Variants in DLG2 observed in about 807,000 individuals in gnomAD.
The protein encoded by DLG2 is disks large homolog 2.
In DLG2, 45 loss-of-function variants were observed where a neutral mutation model predicts 132.5. The observed-to-expected ratio is 0.34, with a 90% CI of 0.27 to 0.44. DLG2 has a LOEUF of 0.44. DLG2 is among the 20% of genes least tolerant of loss of function. DLG2 has a pLI of 1.00. For synonymous variants in DLG2, 424 were observed against 419.6 expected, an observed-to-expected ratio of 1.01 and a Z score of -0.13; for missense variants, 1,045 against 1,196.9, an observed-to-expected ratio of 0.87 and a Z score of 1.87.
At chr11:84,813,201 C>T (rs1032266059) in intron 6 of DLG2, among the ~76,000 whole-genome samples, 4 of 152,058 alleles carry the variant, frequency 2.6e-5, no homozygotes, top group Non-Finnish European at 4.4e-5. Flanking sequence ...CATACACACA[C>T]ACACAAATGT....
At chr11:85,467,943 AC>A (rs1176776669) in intron 3 of DLG2, among the ~76,000 whole-genome samples, 1 of 152,046 alleles carries the variant, frequency 6.6e-6, no homozygotes, top group Non-Finnish European at 1.5e-5. Context: ...CTGGTCCTGG[AC>A]TTTTTTTGGT....
chr11:84,792,091 T>C (rs1353586794), intron 6 of DLG2, among the ~76,000 whole-genome samples: 2 of 152,212 alleles, frequency 1.3e-5, no homozygotes, highest in Admixed American at 6.5e-5. Context: ...ACTTTTATTA[T>C]GTTGTAGTAT....
intron 7 of DLG2, among the ~76,000 whole-genome samples, chr11:84,263,231 A>G (rs905465240): frequency 1.3e-5 from 2 of 152,204 alleles, no homozygotes; most frequent in Non-Finnish European, 2.9e-5. Context: ...TACTGTAAAG[A>G]AAGCAAGGAT....
intron 10 of DLG2, among the ~76,000 whole-genome samples, chr11:84,060,042 G>GT (rs2096566088): frequency 6.6e-6 from 1 of 152,148 alleles, no homozygotes; most frequent in African/African-American, 2.4e-5. Context: ...GTTGGGCGCA[G>GT]TGGCTCATGC....
At chr11:84,329,042 A>G (rs971748544) in intron 7 of DLG2, among the ~76,000 whole-genome samples, 1 of 152,204 alleles carries the variant, frequency 6.6e-6, no homozygotes, top group Admixed American at 6.5e-5. Flanking sequence ...TCAGTGATTA[A>G]ATTGAGATGT....
intron 6 of DLG2, among the ~76,000 whole-genome samples, chr11:84,992,545 C>T (rs1444359547): frequency 6.6e-6 from 1 of 152,174 alleles, no homozygotes; most frequent in Non-Finnish European, 1.5e-5. Context: ...AGTGGCACTT[C>T]ATCAGCATCT....
chr11:83,484,087 C>T, intron 22 of DLG2, 42 bp downstream of exon 22: 1 of 1,549,250 alleles, frequency 6.5e-7, no homozygotes, highest in Non-Finnish European at 8.9e-7. Flanking sequence ...AATTTTTTTT[C>T]TCTTATGTTG....
chr11:83,477,107 T>G (rs1430846651), intron 22 of DLG2, among the ~76,000 whole-genome samples: 2 of 152,090 alleles, frequency 1.3e-5, no homozygotes, highest in African/African-American at 4.8e-5. Context: ...GGAAGGATAA[T>G]TATCAGCTTG....
At chr11:83,531,210 A>G (rs903132069) in intron 21 of DLG2, among the ~76,000 whole-genome samples, 3 of 152,096 alleles carry the variant, frequency 2.0e-5, no homozygotes, top group African/African-American at 7.2e-5. Flanking sequence ...CACTATCAAG[A>G]AAATGAAGAC....
At chr11:85,230,798 G>A (rs1174649818) in intron 4 of DLG2, among the ~76,000 whole-genome samples, 2 of 151,808 alleles carry the variant, frequency 1.3e-5, no homozygotes, top group African/African-American at 4.8e-5. Flanking sequence ...GAGGCCTTTA[G>A]GTCATGAAGG....
intron 8 of DLG2, among the ~76,000 whole-genome samples, chr11:84,220,376 A>T (rs1261420238): frequency 6.6e-6 from 1 of 152,176 alleles, no homozygotes; most frequent in Non-Finnish European, 1.5e-5. Context: ...GAAGCTAGAG[A>T]TTTACTATTT....
intron 18 of DLG2, among the ~76,000 whole-genome samples, chr11:83,667,975 C>CAAAAAAAA (rs10688898): frequency 5.1e-5 from 2 of 39,592 alleles, no homozygotes; most frequent in Admixed American, 4.3e-4. Context: ...GACTCCGTCT[C>CAAAAAAAA]AAAAAAAAAA....
rs1194921873 is a variant in DLG2, at chr11:83,541,873, A to G, written c.1941-15T>C. On this transcript the variant is annotated splice_polypyrimidine_tract_variant and intron_variant, in intron 19 of 27. Transcript: ENST00000376104. The stretch of plus-strand genomic sequence containing the variant: ...CGAACATGGCTCTGGAGGAAAGGAC[A>G]AAAGAGGACATTGTTAGGAATCTCT... 7.0e-6 allele frequency: 11 copies of G among 1,581,882 alleles called. No individual in the cohort carries two copies. The East Asian group carries it at 1.6e-4, about 23-fold the overall frequency.
chr11:83,567,643 C>T (rs1203788527), intron 19 of DLG2, among the ~76,000 whole-genome samples: 2 of 152,116 alleles, frequency 1.3e-5, no homozygotes, highest in African/African-American at 4.8e-5. Flanking sequence ...TAGATTGCAA[C>T]AGAGGACTTA....
intron 19 of DLG2, among the ~76,000 whole-genome samples, chr11:83,590,887 C>A (rs2097176536): frequency 1.3e-5 from 2 of 151,398 alleles, no homozygotes; most frequent in South Asian, 4.2e-4. Flanking sequence ...ACTAGAAAAT[C>A]TAGAAGAAAT....
chr11:84,178,359 G>A (rs2096026026), intron 8 of DLG2, among the ~76,000 whole-genome samples: 1 of 152,110 alleles, frequency 6.6e-6, no homozygotes, highest in African/African-American at 2.4e-5. Flanking sequence ...TACTTAGAGA[G>A]TTATGTCAGG....
intron 18 of DLG2, among the ~76,000 whole-genome samples, chr11:83,768,916 A>C (rs2153785638): frequency 6.6e-6 from 1 of 152,360 alleles, no homozygotes; most frequent in African/African-American, 2.4e-5. Flanking sequence ...GGCCATTATC[A>C]GAATTTTGCC....
chr11:85,212,391 A>G lies in DLG2; in HGVS notation c.187-57740T>C, dbSNP rs1168012747. 6.6e-5 allele frequency among the ~76,000 whole-genome samples: 10 copies of G among 152,126 alleles called. No individual in the cohort carries two copies. The East Asian group carries it at 1.9e-3, about 29-fold the overall frequency. ...TAAGAAGCTATGAAGGCAGAAGCAT[A>G]GTAAAAAATGAATGGGTTTGAGTTA... On this transcript the variant is annotated intron_variant, in intron 4 of 27. Coordinates refer to ENST00000376104, the MANE Select transcript of DLG2 (RefSeq NM_001142699.3).
chr11:84,591,223 C>CTGTGTGTGTGTG (rs781411791), intron 6 of DLG2, among the ~76,000 whole-genome samples: 6,566 of 139,178 alleles, frequency 0.047, 193 homozygotes, highest in Admixed American at 0.063. Context: ...ATGTGTCTCT[C>CTGTGTGTGTGTG]TGTGTGTGTG....
Sources: allele counts gnomAD v4.1 joint callset (sites outside exome capture counted in the v4.1 genomes callset), GRCh38; gene constraint gnomAD v4.1.1; transcripts MANE v1.5; gene names NCBI Gene and HGNC (gene_info 2026-07-23, HGNC 2026-07-21).